The following ERC2 variants were observed in gnomAD, a reference collection of about 807,000 sequenced individuals.
ERC2 encodes the protein ERC protein 2.
ERC2 carries 42 observed loss-of-function variants against 114.8 expected under a neutral mutation model. The observed-to-expected ratio is 0.37, with a 90% CI of 0.29 to 0.47. The LOEUF (loss-of-function observed/expected upper bound fraction) is 0.47, where lower values mean the gene tolerates loss of function less well. Ranked by LOEUF, ERC2 falls within the 20% of genes least tolerant of loss-of-function variation. ERC2 has a pLI of 0.99. For missense variants in ERC2, 939 were observed against 1,150.7 expected, an observed-to-expected ratio of 0.82 and a Z score of 2.66; for synonymous variants, 454 against 425.5, an observed-to-expected ratio of 1.07 and a Z score of -0.82.
At position 55,740,894 on chromosome 3, in the gene ERC2, A is replaced by G. The variant is rs182364606; in HGVS notation, c.2565-5976T>C. ...TAGATGCTTTGAGCACCAACAGGACATTCAAAGACAATGCTCATTGCAGCG... is the reference window on the plus strand; with the variant it reads ...TAGATGCTTTGAGCACCAACAGGACGTTCAAAGACAATGCTCATTGCAGCG... On this transcript the variant is annotated intron_variant, in intron 14 of 17. Transcript: ENST00000288221. Among the ~76,000 whole-genome samples, 109 of 152,318 alleles carry G rather than the reference A, an allele frequency of 7.2e-4. No individual in the cohort carries two copies. In the East Asian group the frequency reaches 0.019, roughly 26 times the overall value.
At chr3:56,015,988 G>C (rs1334536450) in intron 8 of ERC2, among the ~76,000 whole-genome samples, 1 of 152,102 alleles carries the variant, frequency 6.6e-6, no homozygotes. Context: ...ATGTGTGTTG[G>C]CTGCATAAAT....
At chr3:55,615,161 CTTG>C (rs2059073127) in intron 17 of ERC2, among the ~76,000 whole-genome samples, 1 of 152,178 alleles carries the variant, frequency 6.6e-6, no homozygotes, top group South Asian at 2.1e-4. Context: ...TCTGTTCTTA[CTTG>C]TTGTCATAGG....
At chr3:56,119,819 G>C (rs1347929101) in intron 6 of ERC2, among the ~76,000 whole-genome samples, 1 of 152,202 alleles carries the variant, frequency 6.6e-6, no homozygotes, top group African/African-American at 2.4e-5. Flanking sequence ...CCAAGGTAAT[G>C]AAATGATATG....
At chr3:56,412,540 T>C (rs1491164) in intron 2 of ERC2, among the ~76,000 whole-genome samples, 131,377 of 152,216 alleles carry the variant, frequency 0.86, 56,879 homozygotes, top group East Asian at 0.94. Flanking sequence ...CTAGGCTACA[T>C]ACTGGGTCTT....
rs201871287 is a variant in ERC2 at position 55,888,548 on chromosome 3, A to G, written c.2405T>C (p.Ile802Thr). ...CTCCAGTGCATTCATCAGTTCCTCT[A>G]TCTGAAAGGCACATGGAGCTCTGTG... ...SMADNSQHLQ[I>T]EELMNALEKT... is the part of the protein sequence containing the mutation. The change falls in exon 14 of 18, where the codon ATA becomes ACA. Residue 802 changes from isoleucine to threonine, a missense_variant and splice_region_variant. By Grantham distance (89) the Ile-to-Thr change is moderately conservative. Around this residue, in one of 5 missense-constraint regions of ERC2, gnomAD observed 328 missense variants for 353.9 expected, o/e 0.93. Transcript: ENST00000288221. 7.9e-5 allele frequency: 128 copies of G among 1,613,776 alleles called. 1 individual carries two copies. The African/African-American group carries it at 1.6e-3, about 21-fold the overall frequency.
rs140649424 is a variant in ERC2 at position 55,793,983 on chromosome 3, G to A, written c.2565-59065C>T. Among the ~76,000 whole-genome samples, 452 of 152,256 alleles carry A rather than the reference G, an allele frequency of 3.0e-3. 4 individuals carry two copies. Among genetic ancestry groups the A allele is most frequent in the African/African-American group, 0.01 (431 of 41,544 alleles). ...GGCACACAGATTAGAATTTCTTTCT[G>A]GACCTTTAAAATAAGCATTAAAAGC... On this transcript the variant is annotated intron_variant, in intron 14 of 17. Transcript: ENST00000288221.
At chr3:55,849,558 A>G (rs1199899815) in intron 14 of ERC2, among the ~76,000 whole-genome samples, 1 of 152,138 alleles carries the variant, frequency 6.6e-6, no homozygotes, top group South Asian at 2.1e-4. Flanking sequence ...TTTGGATGTA[A>G]TAGCTGGCAC....
chr3:55,562,589 A>C (rs371584157), intron 17 of ERC2, among the ~76,000 whole-genome samples: 5 of 152,216 alleles, frequency 3.3e-5, no homozygotes, highest in Non-Finnish European at 5.9e-5. Flanking sequence ...AGTGTTTTGC[A>C]TACTCTGCTT....
rs189741245 is a variant in ERC2 at position 55,879,233 on chromosome 3, T to C, written c.2564+9156A>G. ...AGTGGAATTACATACAGGAGGGTCTTGGAGATTGCCTTTGCCTTTCACTTG... is the reference window on the plus strand; with the variant it reads ...AGTGGAATTACATACAGGAGGGTCTCGGAGATTGCCTTTGCCTTTCACTTG... On this transcript the variant is annotated intron_variant, in intron 14 of 17. Coordinates refer to ENST00000288221, the MANE Select transcript of ERC2 (RefSeq NM_015576.3). Among the ~76,000 whole-genome samples the C allele has an allele frequency of 1.7e-3, 259 of 152,108 alleles. 6 individuals carry two copies. Among genetic ancestry groups the C allele is most frequent in the Non-Finnish European group, 2.9e-4 (20 of 68,006 alleles).
chr3:55,970,588 A>T (rs2069086260), intron 12 of ERC2, among the ~76,000 whole-genome samples: 1 of 152,184 alleles, frequency 6.6e-6, no homozygotes, highest in African/African-American at 2.4e-5. Context: ...CCATGAAAAG[A>T]TCTTCAATCT....
intron 14 of ERC2, among the ~76,000 whole-genome samples, chr3:55,747,259 G>A (rs1447284345): frequency 2.6e-5 from 4 of 151,896 alleles, no homozygotes; most frequent in African/African-American, 9.6e-5. Flanking sequence ...ACAGGATTGG[G>A]ACTACTAAGA....
At chr3:55,700,390 A>G (rs898222144) in intron 15 of ERC2, among the ~76,000 whole-genome samples, 1 of 152,160 alleles carries the variant, frequency 6.6e-6, no homozygotes, top group African/African-American at 2.4e-5. Context: ...TCCTGGCTCC[A>G]CCTCTTTGCT....
At chr3:55,865,445 C>A (rs969321173) in intron 14 of ERC2, among the ~76,000 whole-genome samples, 1 of 152,114 alleles carries the variant, frequency 6.6e-6, no homozygotes, top group African/African-American at 2.4e-5. Flanking sequence ...CTGCAGAGAC[C>A]CCCTTTAATA....
intron 17 of ERC2, among the ~76,000 whole-genome samples, chr3:55,541,291 G>A (rs1257358885): frequency 6.6e-6 from 1 of 152,048 alleles, no homozygotes; most frequent in Non-Finnish European, 1.5e-5. Context: ...AAATTAAGAT[G>A]ACAAACAACT....
intron 2 of ERC2, among the ~76,000 whole-genome samples, chr3:56,324,389 T>C (rs1157958265): frequency 6.6e-6 from 1 of 152,142 alleles, no homozygotes; most frequent in Non-Finnish European, 1.5e-5. Flanking sequence ...GATAAACCCA[T>C]CGTAAGTTGA....
chr3:55,917,892 A>G (rs2065194141), intron 13 of ERC2, among the ~76,000 whole-genome samples: 2 of 152,134 alleles, frequency 1.3e-5, no homozygotes, highest in Non-Finnish European at 2.9e-5. Context: ...TCCAGACCAA[A>G]AGTCTACAAA....
intron 3 of ERC2, among the ~76,000 whole-genome samples, chr3:56,264,532 G>T (rs189120461): frequency 1.0e-3 from 157 of 151,826 alleles, no homozygotes; most frequent in African/African-American, 3.6e-3. Context: ...AGGAGGCAGA[G>T]GTTGCAGTGA....
chr3:55,550,695 G>A (rs976437444), intron 17 of ERC2, among the ~76,000 whole-genome samples: 2 of 152,134 alleles, frequency 1.3e-5, no homozygotes, highest in African/African-American at 2.4e-5. Context: ...AGGTCTGCCC[G>A]ATTTCCAAAT....
chr3:55,723,117 A>G (rs2064683226), intron 15 of ERC2, among the ~76,000 whole-genome samples: 1 of 152,250 alleles, frequency 6.6e-6, no homozygotes, highest in Non-Finnish European at 1.5e-5. Context: ...AATGATGGAA[A>G]TCATAAACCA....
Sources: gnomAD v4.1 joint callset for allele counts (sites outside exome capture counted in the v4.1 genomes callset) on GRCh38, gnomAD v4.1.1 for gene constraint, gnomAD v4.1.1 regional missense constraint, MANE v1.5 for transcripts, NCBI Gene and HGNC (gene_info 2026-07-23, HGNC 2026-07-21) for gene names.